The following TARS1 variants were observed in gnomAD, a reference collection of about 807,000 sequenced individuals.
TARS1 encodes threonyl-tRNA synthetase 1.
TARS1 carries 57 observed loss-of-function variants against 97.7 expected under a neutral mutation model. The observed-to-expected ratio is 0.58, with a 90% confidence interval of 0.47 to 0.73. The LOEUF (loss-of-function observed/expected upper bound fraction) is 0.73. TARS1 is among the 30% of genes least tolerant of loss of function. TARS1 has a pLI of 0.00. For synonymous variants in TARS1, 312 were observed against 293.7 expected, an observed-to-expected ratio of 1.06 and a Z score of -0.64; for missense variants, 806 against 888.3, an observed-to-expected ratio of 0.91 and a Z score of 1.18.
At chr5:33,445,227 A>G (rs1360423247) in intron 1 of TARS1, 97 bp from the exon 2 acceptor site, 27 of 911,162 alleles carry the variant, frequency 3.0e-5, no homozygotes, top group Non-Finnish European at 4.1e-5. Flanking sequence ...TAAATTAAAT[A>G]ACAAATACTA....
chr5:33,449,744 C>T (rs529825158), intron 3 of TARS1, among the ~76,000 whole-genome samples: 20 of 151,796 alleles, frequency 1.3e-4, no homozygotes, highest in East Asian at 7.7e-4. Flanking sequence ...CGTGACCCAC[C>T]GCGCCCAGCC....
chr5:33,443,356 T>TCTCC (rs1741232945), intron 1 of TARS1, among the ~76,000 whole-genome samples: 11 of 145,504 alleles, frequency 7.6e-5, no homozygotes, highest in African/African-American at 2.3e-4. Flanking sequence ...TCTCTCTCTC[T>TCTCC]CTCTCACTAC....
intron 1 of TARS1, among the ~76,000 whole-genome samples, chr5:33,442,320 CT>C (rs763508345): frequency 0.046 from 4,811 of 104,604 alleles, 60 homozygotes; most frequent in Admixed American, 0.083. Flanking sequence ...TGTTTTGTAA[CT>C]TTTTTTTTTT....
chr5:33,463,435 A>T (rs200578950), intron 16 of TARS1, among the ~76,000 whole-genome samples: 4 of 152,202 alleles, frequency 2.6e-5, no homozygotes, highest in African/African-American at 9.6e-5. Context: ...ACCTCCTCTC[A>T]CAGCCAATAC....
At position 33,448,045 on chromosome 5, in the gene TARS1, G is replaced by A. The variant is rs2164991; in HGVS notation, c.139-496G>A. Among the ~76,000 whole-genome samples, 77 of 152,294 alleles carry A rather than the reference G, an allele frequency of 5.1e-4. 2 individuals are homozygous for A. The highest frequency in any genetic ancestry group is 1.8e-3 in the African/African-American group (73 of 41,566). On this transcript the variant is annotated intron_variant, in intron 2 of 18. Coordinates refer to ENST00000265112, the MANE Select transcript of TARS1 (RefSeq NM_152295.5). ...TATAGTTGCTAATTACATACTCCAA[G>A]CTGATCATGGCATCTTTGAATTCAG... is the stretch of plus-strand genomic sequence containing the variant.
rs960127035 is a variant in TARS1, at chr5:33,450,480, C to T, written c.329+1749C>T. On this transcript the variant is annotated intron_variant, in intron 3 of 18. Transcript: ENST00000265112. ...TTTTTACAAAGTGAATGGAGTGTTT[C>T]CATTCATTTGACAAGTGCTTCTACC... Among the ~76,000 whole-genome samples, 3 of 152,274 alleles carry T rather than the reference C, an allele frequency of 2.0e-5. 1 individual carries two copies. The highest frequency in any genetic ancestry group is 2.1e-4 in the South Asian group (1 of 4,826).
At chr5:33,446,270 T>A (rs1741408719) in intron 2 of TARS1, 1 of 244,242 alleles carries the variant, frequency 4.1e-6, no homozygotes. Flanking sequence ...GAACCCTACC[T>A]AACCATTTAT....
chr5:33,462,153 A>G lies in TARS1; in HGVS notation c.1785A>G (p.Gly595=), dbSNP rs754642412. ...RPVIVHRAIL[G]SVERMIAILT... Reference sequence around the variant, plus strand: ...TGATTGTTCATCGAGCCATCTTGGGATCAGTGGAAAGAATGATTGCTATCC... The same window carrying G: ...TGATTGTTCATCGAGCCATCTTGGGGTCAGTGGAAAGAATGATTGCTATCC... The change falls in exon 16 of 19, where the codon GGA becomes GGG. Residue 595 remains glycine (G), a synonymous_variant. Transcript: ENST00000265112. 4 of 1,613,214 alleles carry G rather than the reference A, an allele frequency of 2.5e-6. No individual in the cohort carries two copies. The highest frequency in any genetic ancestry group is 3.4e-6 in the Non-Finnish European group (4 of 1,179,912).
Position 33,443,306 on chromosome 5 carries a change from CCTCTCTCTCTCTCCCT to C in TARS1, c.58-2004_58-1989del, listed in dbSNP as rs1346236326. Among the ~76,000 whole-genome samples, 35 of 85,560 alleles carry C rather than the reference CCTCTCTCTCTCTCCCT, an allele frequency of 4.1e-4. No homozygotes were observed. The East Asian group carries it at 0.01, about 25-fold the overall frequency. 56.1% of individuals were successfully genotyped at this position (85,560 alleles called of 152,430 possible). On this transcript the variant is annotated intron_variant, in intron 1 of 18. Transcript: ENST00000265112. ...AACCAGAAAACCTTTGTGGTGATTC[CCTCTCTCTCTCTCCCT>C]CTCTCTCTCTCTCTCTCTCTCTCTC...
chr5:33,440,743 T>C (rs936160579), upstream of TARS1: 3 of 449,204 alleles, frequency 6.7e-6, no homozygotes, highest in Non-Finnish European at 1.2e-5. Context: ...GCACGCGCAT[T>C]GGGGACTTGA....
upstream of TARS1, chr5:33,440,960 C>T: frequency 8.4e-7 from 1 of 1,187,328 alleles, no homozygotes; most frequent in Non-Finnish European, 1.2e-6. Flanking sequence ...GTTAGGGCGC[C>T]TTTCGATTGC....
intron 11 of TARS1, 122 bp downstream of exon 11, chr5:33,459,983 C>A: frequency 1.9e-6 from 2 of 1,076,250 alleles, no homozygotes; most frequent in Non-Finnish European, 2.6e-6. Flanking sequence ...AGCATTTAAA[C>A]GCAACATCTT....
chr5:33,442,320 C>CTTTTTT (rs763508345), intron 1 of TARS1, among the ~76,000 whole-genome samples: 19 of 104,598 alleles, frequency 1.8e-4, no homozygotes, highest in Admixed American at 2.1e-4. Context: ...TGTTTTGTAA[C>CTTTTTT]TTTTTTTTTT....
At chr5:33,458,342 A>G (rs1420753400) in intron 9 of TARS1, among the ~76,000 whole-genome samples, 1 of 152,206 alleles carries the variant, frequency 6.6e-6, no homozygotes, top group African/African-American at 2.4e-5. Context: ...GGATTGAGGA[A>G]TATAACAGGC....
At chr5:33,453,231 A>G (rs970016863) in intron 3 of TARS1, 58 bp from the exon 4 acceptor site, 1 of 1,434,088 alleles carries the variant, frequency 7.0e-7, no homozygotes, top group Non-Finnish European at 9.1e-7. Context: ...CTGTTTTCAA[A>G]TTAGATTCGT....
At chr5:33,454,489 A>G (rs1016723991) in intron 4 of TARS1, among the ~76,000 whole-genome samples, 1 of 152,070 alleles carries the variant, frequency 6.6e-6, no homozygotes, top group Non-Finnish European at 1.5e-5. Context: ...GGGTTGTACC[A>G]CCTTTGTTTT....
intron 9 of TARS1, 98 bp downstream of exon 9, chr5:33,457,501 A>G: frequency 7.0e-7 from 1 of 1,421,894 alleles, no homozygotes; most frequent in Non-Finnish European, 9.6e-7. Context: ...TTTTGTTTTG[A>G]AGAGATGTTG....
At chr5:33,441,189 G>C (rs1741072201) in intron 1 of TARS1, 46 bp downstream of exon 1, 1 of 1,607,884 alleles carries the variant, frequency 6.2e-7, no homozygotes, top group African/African-American at 1.3e-5. Context: ...GGACTCTAGT[G>C]GGTGCAGACG....
chr5:33,462,581 C>T lies in TARS1; in HGVS notation c.1835+378C>T, dbSNP rs149400189. On this transcript the variant is annotated intron_variant, in intron 16 of 18. Transcript: ENST00000265112. ...AAATGAGGAGGCTTATGGCTTTCTT[C>T]GTTCAGCCTTGCTAATCATAACAAG... Among the ~76,000 whole-genome samples the T allele has an allele frequency of 2.0e-3, 305 of 152,284 alleles. 2 individuals carry two copies. Among genetic ancestry groups the T allele is most frequent in the African/African-American group, 7.0e-3 (290 of 41,566 alleles).
Sources: allele counts gnomAD v4.1 joint callset (sites outside exome capture counted in the v4.1 genomes callset), GRCh38; gene constraint gnomAD v4.1.1; transcripts MANE v1.5; gene names NCBI Gene and HGNC (gene_info 2026-07-23, HGNC 2026-07-21).